The following TMCO6 variants were observed in gnomAD, a reference collection of about 807,000 sequenced individuals.
TMCO6 encodes transmembrane and coiled-coil domain-containing protein 6.
TMCO6 carries 47 observed loss-of-function variants against 61.8 expected under a neutral mutation model. The ratio of observed to expected loss-of-function variants is 0.76; its 90% CI spans 0.60 to 0.97. TMCO6 has a LOEUF of 0.97. Ranked by LOEUF, TMCO6 falls within the 50% of genes least tolerant of loss-of-function variation. The probability of loss-of-function intolerance (pLI) is 0.00; values close to 1 mark genes in which losing one functional copy is unlikely to be tolerated. For synonymous variants in TMCO6, 261 were observed against 254.2 expected, an observed-to-expected ratio of 1.03 and a Z score of -0.25; for missense variants, 557 against 601.6, an observed-to-expected ratio of 0.93 and a Z score of 0.78.
chr5:140,630,639 G>A, the TMCO6 span, among the ~76,000 whole-genome samples: 1 of 152,214 alleles, frequency 6.6e-6, no homozygotes, highest in Non-Finnish European at 1.5e-5. Context: ...GCCTTGAGAT[G>A]ATTAATTCTC....
upstream of TMCO6, among the ~76,000 whole-genome samples, chr5:140,634,482 CT>C (rs1221427030): frequency 0.2 from 22,287 of 110,540 alleles, 1,328 homozygotes; most frequent in East Asian, 0.24. Context: ...ATATGAAAGT[CT>C]TTTTTTTTTT....
At chr5:140,597,705 C>G in the TMCO6 span, among the ~76,000 whole-genome samples, 41 of 152,294 alleles carry the variant, frequency 2.7e-4, no homozygotes, top group Non-Finnish European at 4.4e-4. Context: ...CAAGTGCCTC[C>G]CCTTCAGTCC....
chr5:140,643,615 G>T lies in TMCO6; in HGVS notation c.858G>T (p.Gly286=). Residue 286 remains glycine, a synonymous_variant, in exon 8 of 12, where the codon GGG becomes GGT. Transcript: ENST00000394671. ...LIGHGALSTL[G]LLLLDLAGAV... Reference sequence around the variant, plus strand: ...GCCATGGGGCTCTGTCTACTCTGGGGTTGCTGCTGTTGGACTTGGCTGGGG... The same window carrying T: ...GCCATGGGGCTCTGTCTACTCTGGGTTTGCTGCTGTTGGACTTGGCTGGGG... 1 of 1,614,098 alleles carries T rather than the reference G, an allele frequency of 6.2e-7. No individual in the cohort carries two copies. The highest frequency in any genetic ancestry group is 8.5e-7 in the Non-Finnish European group (1 of 1,180,006).
intron 5 of TMCO6, 30 bp from the exon 6 acceptor site, chr5:140,642,556 C>T (rs756530494): frequency 7.4e-6 from 12 of 1,613,274 alleles, no homozygotes; most frequent in East Asian, 4.5e-5. Context: ...ACCCAGCTTC[C>T]AGTCAGATCC....
At chr5:140,611,513 G>T in the TMCO6 span, among the ~76,000 whole-genome samples, 1 of 152,182 alleles carries the variant, frequency 6.6e-6, no homozygotes, top group Non-Finnish European at 1.5e-5. Flanking sequence ...TGTTAGAATA[G>T]AAATGATTTC....
At chr5:140,607,464 C>T in the TMCO6 span, among the ~76,000 whole-genome samples, 45 of 152,262 alleles carry the variant, frequency 3.0e-4, no homozygotes, top group Admixed American at 5.2e-4. Context: ...TGAATCATTT[C>T]CATGTTTTAG....
At chr5:140,608,184 G>T in the TMCO6 span, among the ~76,000 whole-genome samples, 1 of 152,034 alleles carries the variant, frequency 6.6e-6, no homozygotes, top group African/African-American at 2.4e-5. Context: ...TTTCTTTGTG[G>T]CAATGTTCAG....
downstream of TMCO6, chr5:140,647,227 G>A (rs780632770): frequency 1.3e-5 from 20 of 1,522,748 alleles, no homozygotes; most frequent in Middle Eastern, 1.8e-4. Context: ...CCCTACCGGA[G>A]CCCCAGACCC....
At chr5:140,625,019 A>G in the TMCO6 span, among the ~76,000 whole-genome samples, 1 of 150,610 alleles carries the variant, frequency 6.6e-6, no homozygotes, top group Admixed American at 6.6e-5. Context: ...GCGCCTGGCT[A>G]ATTTTCGTAT....
the TMCO6 span, among the ~76,000 whole-genome samples, chr5:140,614,240 A>G: frequency 2.0e-5 from 3 of 151,704 alleles, no homozygotes; most frequent in African/African-American, 7.3e-5. Flanking sequence ...CAGGCACAGT[A>G]GCTCATGCCT....
downstream of TMCO6, chr5:140,647,310 G>A: frequency 1.9e-6 from 3 of 1,591,886 alleles, no homozygotes; most frequent in Non-Finnish European, 2.6e-6. Context: ...ATTAGGATGG[G>A]TAGGTCGGGA....
chr5:140,640,766 C>A (rs1756977339), intron 2 of TMCO6, among the ~76,000 whole-genome samples: 1 of 152,174 alleles, frequency 6.6e-6, no homozygotes, highest in Non-Finnish European at 1.5e-5. Flanking sequence ...TCCAACTAGA[C>A]TTTAATTGCA....
At chr5:140,632,002 C>T in the TMCO6 span, 67 of 1,613,978 alleles carry the variant, frequency 4.2e-5, no homozygotes, top group African/African-American at 7.6e-4. This position sits in a 1 kb window ranked among gnomAD's most constrained non-coding sequence, Gnocchi z 6.2. Flanking sequence ...AAGGGATTCC[C>T]GTCCAGTGTC....
chr5:140,636,800 T>C (rs1439872328), upstream of TMCO6, among the ~76,000 whole-genome samples: 2 of 152,078 alleles, frequency 1.3e-5, no homozygotes, highest in South Asian at 2.1e-4. Context: ...AAGAAATTGG[T>C]TTTAAGAATA....
chr5:140,621,474 A>G, the TMCO6 span, among the ~76,000 whole-genome samples: 2 of 152,130 alleles, frequency 1.3e-5, no homozygotes, highest in Non-Finnish European at 2.9e-5. Context: ...CTTTACTTTA[A>G]TCTCAATCCT....
chr5:140,614,008 C>G, the TMCO6 span, among the ~76,000 whole-genome samples: 3 of 152,182 alleles, frequency 2.0e-5, no homozygotes, highest in East Asian at 5.8e-4. Context: ...ATGCCATTCT[C>G]CTGCCTCAGC....
chr5:140,622,214 TTC>T, the TMCO6 span, among the ~76,000 whole-genome samples: 1 of 152,172 alleles, frequency 6.6e-6, no homozygotes, highest in African/African-American at 2.4e-5. Context: ...GCTTTAAAAT[TTC>T]TCTGTTTTGT....
At chr5:140,614,241 G>C in the TMCO6 span, among the ~76,000 whole-genome samples, 1 of 151,202 alleles carries the variant, frequency 6.6e-6, no homozygotes, top group Non-Finnish European at 1.5e-5. Flanking sequence ...AGGCACAGTA[G>C]CTCATGCCTG....
the TMCO6 span, among the ~76,000 whole-genome samples, chr5:140,609,776 A>T: frequency 6.6e-6 from 1 of 152,068 alleles, no homozygotes; most frequent in South Asian, 2.1e-4. Context: ...TTTCAACAAC[A>T]TTTTGTAGTT....
Sources: allele counts gnomAD v4.1 joint callset (sites outside exome capture counted in the v4.1 genomes callset), GRCh38; gene constraint gnomAD v4.1.1; non-coding constraint Gnocchi (gnomAD v3.1); transcripts MANE v1.5; gene names NCBI Gene and HGNC (gene_info 2026-07-23, HGNC 2026-07-21).